The following SBF2 variants were observed in gnomAD, a reference collection of about 807,000 sequenced individuals.
SBF2 encodes the protein myotubularin-related protein 13.
A neutral mutation model predicts 225.2 loss-of-function variants in SBF2; 112 were observed. The observed-to-expected ratio is 0.50, with a 90% CI of 0.43 to 0.58. The LOEUF is 0.58. Ranked by LOEUF, SBF2 falls within the 20% of genes least tolerant of loss-of-function variation. The pLI is 0.00. For synonymous variants in SBF2, 763 were observed against 773.3 expected (o/e 0.99, Z 0.22); for missense variants, 1,996 against 2,206.2 (o/e 0.90, Z 1.91).
intron 1 of SBF2, among the ~76,000 whole-genome samples, chr11:10,273,485 TC>T (rs1188991178): frequency 6.6e-6 from 1 of 152,260 alleles, no homozygotes; most frequent in Non-Finnish European, 1.5e-5. Flanking sequence ...AACTTATTTT[TC>T]TTTTAGAAGA....
intron 33 of SBF2, among the ~76,000 whole-genome samples, chr11:9,794,133 G>C (rs931963377): frequency 6.6e-4 from 100 of 152,142 alleles, no homozygotes; most frequent in African/African-American, 2.3e-3. Flanking sequence ...AGTGAGCCGA[G>C]ATCCTGCCAC....
chr11:9,882,630 A>C (rs1166874282), intron 17 of SBF2, among the ~76,000 whole-genome samples: 1 of 151,948 alleles, frequency 6.6e-6, no homozygotes, highest in Non-Finnish European at 1.5e-5. Flanking sequence ...AACACGGTGA[A>C]ACCCCGTCTC....
chr11:10,143,508 C>T (rs1159209083), intron 2 of SBF2, among the ~76,000 whole-genome samples: 1 of 152,002 alleles, frequency 6.6e-6, no homozygotes, highest in Non-Finnish European at 1.5e-5. Flanking sequence ...TGATATAATC[C>T]CATGAGAAAC....
chr11:10,286,267 A>G (rs1963775955), intron 1 of SBF2, among the ~76,000 whole-genome samples: 1 of 152,088 alleles, frequency 6.6e-6, no homozygotes, highest in Non-Finnish European at 1.5e-5. Flanking sequence ...TATACATAAA[A>G]CATCACGCTG....
rs575785185 is a variant in SBF2, at chr11:10,201,353, C to G, written c.56-7366G>C. On this transcript the variant is annotated intron_variant, in intron 1 of 39. Transcript: ENST00000256190. ...GAAGACCTGTGTTATAATGCCAAGACAGCCAGAAAATCAAAGTTCACCAGA... is the reference window on the plus strand; with the variant it reads ...GAAGACCTGTGTTATAATGCCAAGAGAGCCAGAAAATCAAAGTTCACCAGA... Among the ~76,000 whole-genome samples, 7 of 152,226 alleles carry G rather than the reference C, an allele frequency of 4.6e-5. No homozygotes were observed. In the South Asian group the frequency reaches 1.5e-3, roughly 32 times the overall value.
chr11:10,275,253 C>T (rs895153156), intron 1 of SBF2, among the ~76,000 whole-genome samples: 5 of 152,186 alleles, frequency 3.3e-5, no homozygotes, highest in African/African-American at 1.2e-4. Flanking sequence ...AGGCAATTAA[C>T]CTGGTTCCTT....
At chr11:10,235,300 C>G (rs982758040) in intron 1 of SBF2, among the ~76,000 whole-genome samples, 13 of 152,118 alleles carry the variant, frequency 8.5e-5, no homozygotes, top group African/African-American at 2.9e-4. Flanking sequence ...TTTGGGAGGC[C>G]AAGGCAGGTG....
intron 3 of SBF2, among the ~76,000 whole-genome samples, chr11:10,035,336 T>C (rs1415387386): frequency 6.6e-6 from 1 of 152,086 alleles, no homozygotes; most frequent in East Asian, 1.9e-4. Flanking sequence ...GCCAATACCA[T>C]TCAAGACATA....
intron 13 of SBF2, among the ~76,000 whole-genome samples, chr11:9,980,092 T>C (rs532441388): frequency 6.6e-6 from 1 of 151,738 alleles, no homozygotes; most frequent in Admixed American, 6.6e-5. Flanking sequence ...GCAGTTCTCC[T>C]GCCTCAGCCT....
At chr11:9,928,149 G>A (rs924458063) in intron 16 of SBF2, among the ~76,000 whole-genome samples, 1 of 152,084 alleles carries the variant, frequency 6.6e-6, no homozygotes, top group Non-Finnish European at 1.5e-5. Flanking sequence ...ATCTTTAAAA[G>A]ACACTGTTCA....
intron 27 of SBF2, among the ~76,000 whole-genome samples, chr11:9,830,752 A>C (rs1288396796): frequency 2.0e-5 from 3 of 151,584 alleles, no homozygotes; most frequent in South Asian, 2.1e-4. Flanking sequence ...AAACAAAAAA[A>C]AAAAAACAAA....
chr11:10,051,798 T>A (rs1950075749), intron 2 of SBF2, among the ~76,000 whole-genome samples: 1 of 152,000 alleles, frequency 6.6e-6, no homozygotes, highest in African/African-American at 2.4e-5. Context: ...GTTAAATGAG[T>A]CTTTTTCAAA....
chr11:10,206,965 T>C (rs1248127869), intron 1 of SBF2, among the ~76,000 whole-genome samples: 1 of 152,074 alleles, frequency 6.6e-6, no homozygotes, highest in Non-Finnish European at 1.5e-5. Flanking sequence ...ACTCCCAAAT[T>C]TGGTGAAGCA....
intron 7 of SBF2, 105 bp downstream of exon 7, chr11:10,002,452 A>G (rs1948010331): frequency 2.2e-6 from 2 of 914,906 alleles, no homozygotes; most frequent in Admixed American, 2.3e-5. Context: ...ACTTTGTAAA[A>G]TATCCCTATG....
chr11:9,785,033 C>G (rs1852279434), intron 37 of SBF2, 92 bp downstream of exon 37: 1 of 1,074,544 alleles, frequency 9.3e-7, no homozygotes. Context: ...AAAGGCTGTA[C>G]TGCACAGGCC....
chr11:10,230,488 TC>T lies in SBF2; in HGVS notation c.56-36502del, dbSNP rs1036823833. ...CATGTTTAGTGCTTCCCTCAGGAGCTCTTTTAGGGCAGGCCTGGTGGCGACA... is the reference window on the plus strand; with the variant it reads ...CATGTTTAGTGCTTCCCTCAGGAGCTTTTTAGGGCAGGCCTGGTGGCGACA... On this transcript the variant is annotated intron_variant, in intron 1 of 39. Coordinates refer to ENST00000256190, the MANE Select transcript of SBF2 (RefSeq NM_030962.4). Among the ~76,000 whole-genome samples, 161 of 152,326 alleles carry T rather than the reference TC, an allele frequency of 1.1e-3. 2 individuals carry two copies. The highest frequency in any genetic ancestry group is 3.6e-3 in the African/African-American group (149 of 41,588).
chr11:10,273,071 GAAAA>G (rs60141937), intron 1 of SBF2, among the ~76,000 whole-genome samples: 69,160 of 147,966 alleles, frequency 0.47, 16,667 homozygotes, highest in Non-Finnish European at 0.54. Flanking sequence ...CTCCGTCTCC[GAAAA>G]AAAAAATAAA....
chr11:9,790,871 A>G (rs1852697349), intron 33 of SBF2, 188 bp from the exon 34 acceptor site: 1 of 503,874 alleles, frequency 2.0e-6, no homozygotes, highest in African/African-American at 1.9e-5. Context: ...CGCTACAGGG[A>G]AACAGATCCA....
chr11:9,894,524 GA>G (rs890199368), intron 17 of SBF2, among the ~76,000 whole-genome samples: 10 of 143,056 alleles, frequency 7.0e-5, no homozygotes, highest in African/African-American at 1.0e-4. Context: ...CACAAAAAAA[GA>G]AAAAAAAAAT....
Sources: allele counts gnomAD v4.1 joint callset (sites outside exome capture counted in the v4.1 genomes callset), GRCh38; gene constraint gnomAD v4.1.1; transcripts MANE v1.5; gene names NCBI Gene and HGNC (gene_info 2026-07-23, HGNC 2026-07-21).